The following YWHAQ variants were observed in gnomAD, a reference collection of about 807,000 sequenced individuals.
YWHAQ encodes the protein 14-3-3 protein theta.
Under a neutral mutation model 28.3 loss-of-function variants are expected in YWHAQ, and 6 were observed. That is an observed-to-expected ratio of 0.21 (90% CI 0.12 to 0.42). The LOEUF (loss-of-function observed/expected upper bound fraction) is 0.42, where lower values mean the gene tolerates loss of function less well. Among genes scored for constraint, YWHAQ ranks in the 10% least tolerant of loss-of-function variants. YWHAQ has a pLI of 1.00. For synonymous variants in YWHAQ, 143 were observed against 119.1 expected (o/e 1.20, Z -1.31); for missense variants, 201 against 305.6 (o/e 0.66, Z 2.55).
chr2:9,585,396 C>T (rs1161713807), intron 5 of YWHAQ, 51 bp from the exon 6 acceptor site: 2 of 1,584,606 alleles, frequency 1.3e-6, no homozygotes, highest in Non-Finnish European at 8.7e-7. Flanking sequence ...TAGGCAATTA[C>T]ACTAAGTAGT....
rs1287714508 is a variant in YWHAQ at position 9,585,011 on chromosome 2, T to C, written c.*275A>G. 7.9e-6 allele frequency: 3 copies of C among 380,736 alleles called. No homozygotes were observed. The highest frequency in any genetic ancestry group is 1.4e-5 in the Non-Finnish European group (3 of 209,164). The allele number at this position is 380,736 out of a possible 1,614,324, so 23.6% of individuals were successfully genotyped here. On this transcript the variant is annotated 3_prime_UTR_variant, in exon 6 of 6. Transcript: ENST00000238081. Reference sequence around the variant, plus strand: ...CAGATTACTTAAATACCAGATACATTTTTAGTCCTCTACATAAGTGTTTGG... The same window carrying C: ...CAGATTACTTAAATACCAGATACATCTTTAGTCCTCTACATAAGTGTTTGG...
chr2:9,585,315 ATTC>A lies in YWHAQ; in HGVS notation c.706_708del (p.Glu236del). 1 of 1,614,160 alleles carries A rather than the reference ATTC, an allele frequency of 6.2e-7. No individual in the cohort carries two copies. The highest frequency in any genetic ancestry group is 8.5e-7 in the Non-Finnish European group (1 of 1,179,996). ...TTTTCAGCCCCTTCTGCCGCATCAC[ATTC>A]TTCTCCTGCACTGTCTGATGTCCAA... is the stretch of plus-strand genomic sequence containing the variant. On this transcript the variant is annotated inframe_deletion, in exon 6 of 6. Transcript: ENST00000238081.
intron 2 of YWHAQ, among the ~76,000 whole-genome samples, chr2:9,623,603 G>A (rs1411655231): frequency 1.3e-5 from 2 of 151,972 alleles, no homozygotes; most frequent in Admixed American, 6.6e-5. Context: ...GAGAAACCTC[G>A]TCTCTACTAA....
intron 3 of YWHAQ, 134 bp from the exon 4 acceptor site, chr2:9,588,462 A>C: frequency 1.9e-6 from 2 of 1,050,080 alleles, no homozygotes; most frequent in South Asian, 3.5e-5. Context: ...TTTTAAAATC[A>C]TGGTAGCTAA....
Position 9,630,175 on chromosome 2 carries a change from A to G in YWHAQ, c.278T>C (p.Ile93Thr). Residue 93 changes from isoleucine (I) to threonine (T), a missense_variant, in exon 2 of 6, where the codon ATC (isoleucine) becomes ACC (threonine). Physicochemically the swap from Ile to Thr is moderately conservative, Grantham distance 89. Transcript: ENST00000238081. The surrounding 1 kb of genome is among the most constrained non-coding windows in gnomAD (Gnocchi z 5.6). ...REKVESELRSICTTVLELLDK... is the reference protein window; with the variant it reads ...REKVESELRSTCTTVLELLDK... Reference sequence around the variant, plus strand: ...AGGACTCACCAGCACCGTGGTGCAGATGGATCTCAGCTCGGACTCCACTTT... The same window carrying G: ...AGGACTCACCAGCACCGTGGTGCAGGTGGATCTCAGCTCGGACTCCACTTT... 6.2e-7 allele frequency: 1 copy of G among 1,613,642 alleles called. No homozygotes were observed. Among genetic ancestry groups the G allele is most frequent in the Non-Finnish European group, 8.5e-7 (1 of 1,179,980 alleles).
At chr2:9,623,637 G>C (rs1667188897) in intron 2 of YWHAQ, among the ~76,000 whole-genome samples, 1 of 152,172 alleles carries the variant, frequency 6.6e-6, no homozygotes, top group African/African-American at 2.4e-5. Context: ...GCCGGGTGTG[G>C]TGGTGCATGC....
At chr2:9,585,621 C>A (rs372321773) in intron 5 of YWHAQ, among the ~76,000 whole-genome samples, 6 of 152,100 alleles carry the variant, frequency 3.9e-5, no homozygotes, top group Middle Eastern at 3.2e-3. Flanking sequence ...ATTTAAAAAG[C>A]ATTTGGCCAG....
intron 2 of YWHAQ, among the ~76,000 whole-genome samples, chr2:9,599,014 AAGTGCTACCCC>A (rs1221876937): frequency 1.3e-5 from 2 of 152,218 alleles, no homozygotes; most frequent in African/African-American, 4.8e-5. Flanking sequence ...AGGAAATTAA[AAGTGCTACCCC>A]AGTGAACACA....
intron 2 of YWHAQ, among the ~76,000 whole-genome samples, chr2:9,618,489 A>G (rs1199060981): frequency 6.6e-6 from 1 of 151,970 alleles, no homozygotes; most frequent in Non-Finnish European, 1.5e-5. Context: ...ATGTGCCTAT[A>G]CTCTTTAGAG....
chr2:9,612,333 C>G (rs777021507), intron 2 of YWHAQ, among the ~76,000 whole-genome samples: 27 of 152,192 alleles, frequency 1.8e-4, no homozygotes, highest in Non-Finnish European at 3.5e-4. Flanking sequence ...TCAAAACCCC[C>G]AATGGCCTGT....
intron 2 of YWHAQ, among the ~76,000 whole-genome samples, chr2:9,613,458 C>T (rs573443953): frequency 1.4e-4 from 21 of 152,218 alleles, no homozygotes; most frequent in African/African-American, 4.3e-4. Flanking sequence ...CAAATACAAG[C>T]CTAAGGGTAG....
Position 9,630,144 on chromosome 2 carries a change from G to A in YWHAQ, c.294+15C>T, listed in dbSNP as rs369055092. ...TCACAAAAGGCCTCCCCTGCTCCCC[G>A]CGCCGAGGACTCACCAGCACCGTGG... is the stretch of plus-strand genomic sequence containing the variant. On this transcript the variant is annotated intron_variant, in intron 2 of 5. Coordinates refer to ENST00000238081, the MANE Select transcript of YWHAQ (RefSeq NM_006826.4). This position sits in a 1 kb window ranked among gnomAD's most constrained non-coding sequence, Gnocchi z 5.6. 1 of 1,600,982 alleles carries A rather than the reference G, an allele frequency of 6.2e-7. No individual in the cohort carries two copies. The highest frequency in any genetic ancestry group is 2.2e-5 in the East Asian group (1 of 44,560).
intron 2 of YWHAQ, among the ~76,000 whole-genome samples, chr2:9,605,331 G>A (rs989460832): frequency 2.0e-5 from 3 of 151,852 alleles, no homozygotes; most frequent in Non-Finnish European, 2.9e-5. Context: ...TAGAGATGGG[G>A]TTTTGCCATT....
At chr2:9,596,334 A>T (rs947215178) in intron 2 of YWHAQ, among the ~76,000 whole-genome samples, 7 of 152,148 alleles carry the variant, frequency 4.6e-5, no homozygotes, top group Admixed American at 4.6e-4. Context: ...TTTTCAAAAT[A>T]ATTTATTTGG....
chr2:9,587,532 G>A, intron 4 of YWHAQ, 23 bp from the exon 5 acceptor site: 4 of 1,561,764 alleles, frequency 2.6e-6, no homozygotes, highest in Non-Finnish European at 3.5e-6. Context: ...AATATCCATG[G>A]TAAAATATGT....
chr2:9,591,908 A>C (rs1666463045), intron 2 of YWHAQ, among the ~76,000 whole-genome samples: 1 of 152,260 alleles, frequency 6.6e-6, no homozygotes, highest in Admixed American at 6.5e-5. Context: ...AAGTACACCA[A>C]CTACATACCA....
At chr2:9,617,506 A>G (rs1383331293) in intron 2 of YWHAQ, among the ~76,000 whole-genome samples, 1 of 152,180 alleles carries the variant, frequency 6.6e-6, no homozygotes, top group African/African-American at 2.4e-5. Flanking sequence ...CAGTTTTGCA[A>G]GATGAAGAGT....
chr2:9,611,638 A>C (rs1666949132), intron 2 of YWHAQ, among the ~76,000 whole-genome samples: 1 of 152,080 alleles, frequency 6.6e-6, no homozygotes, highest in Non-Finnish European at 1.5e-5. Flanking sequence ...ACATATTTTG[A>C]AATATGTATA....
At position 9,584,865 on chromosome 2, in the gene YWHAQ, C is replaced by G. The variant is rs1344716501; in HGVS notation, c.*421G>C. ...AAGTTGCTTACTGAAAGGAAACCCCCGAAGAGTAAGGGAGGGAATGTAGAA... is the reference window on the plus strand; with the variant it reads ...AAGTTGCTTACTGAAAGGAAACCCCGGAAGAGTAAGGGAGGGAATGTAGAA... On this transcript the variant is annotated 3_prime_UTR_variant, in exon 6 of 6. Transcript: ENST00000238081. The G allele has an allele frequency of 1.2e-5, 2 of 165,566 alleles. No individual in the cohort carries two copies. The highest frequency in any genetic ancestry group is 2.6e-5 in the Non-Finnish European group (2 of 75,970). The allele number at this position is 165,566 out of a possible 1,614,324, so 10.3% of individuals were successfully genotyped here.
Sources: allele counts gnomAD v4.1 joint callset (sites outside exome capture counted in the v4.1 genomes callset), GRCh38; gene constraint gnomAD v4.1.1; non-coding constraint Gnocchi (gnomAD v3.1); transcripts MANE v1.5; gene names NCBI Gene and HGNC (gene_info 2026-07-23, HGNC 2026-07-21).